The following CPM variants were observed in gnomAD, a reference collection of about 807,000 sequenced individuals.
CPM encodes the protein renal carboxypeptidase.
A neutral mutation model predicts 46.4 loss-of-function variants in CPM; 35 were observed. The ratio of observed to expected loss-of-function variants is 0.75; its 90% CI spans 0.58 to 1.00. The LOEUF (loss-of-function observed/expected upper bound fraction) is 1.00. Ranked by LOEUF, CPM falls within the 50% of genes least tolerant of loss-of-function variation. The pLI is 0.00. For synonymous variants in CPM, 195 were observed against 195.3 expected (o/e 1.00, Z 0.01); for missense variants, 422 against 530.4 (o/e 0.80, Z 2.01).
chr12:68,866,959 G>A lies in CPM; in HGVS notation c.877C>T (p.Leu293Phe). 6.2e-7 allele frequency: 1 copy of A among 1,614,092 alleles called. No homozygotes were observed. The highest frequency in any genetic ancestry group is 8.5e-7 in the Non-Finnish European group (1 of 1,179,942). Reference sequence around the variant, plus strand: ...TTGTTATTATTCCAAAAGGATGGAAGCTTCTCCTCACGAGGATATTTACAG... The same window carrying A: ...TTGTTATTATTCCAAAAGGATGGAAACTTCTCCTCACGAGGATATTTACAG... ...SCCKYPREEKLPSFWNNNKAS... is the reference protein window; with the variant it reads ...SCCKYPREEKFPSFWNNNKAS... Residue 293 changes from leucine (L) to phenylalanine (F), a missense_variant, in exon 7 of 9, where the codon CTT becomes TTT. Coordinates refer to ENST00000551568, the MANE Select transcript of CPM (RefSeq NM_198320.5).
At chr12:68,908,491 CTGAGT>C (rs1365591637) in intron 2 of CPM, among the ~76,000 whole-genome samples, 2 of 151,238 alleles carry the variant, frequency 1.3e-5, no homozygotes, top group Non-Finnish European at 2.9e-5. Flanking sequence ...CATCCACTTT[CTGAGT>C]GTCTCTTCAA....
At chr12:68,889,208 T>C (rs1386110233) in intron 2 of CPM, among the ~76,000 whole-genome samples, 3 of 152,184 alleles carry the variant, frequency 2.0e-5, no homozygotes, top group African/African-American at 7.2e-5. Flanking sequence ...AGTTGATATT[T>C]AGGTACACTC....
chr12:68,939,815 C>T (rs1389000365), intron 1 of CPM, among the ~76,000 whole-genome samples: 1 of 152,094 alleles, frequency 6.6e-6, no homozygotes, highest in Non-Finnish European at 1.5e-5. Context: ...CTCATGATTA[C>T]TATTATCTCT....
chr12:68,938,113 T>C (rs952541855), upstream of CPM, among the ~76,000 whole-genome samples: 2 of 152,222 alleles, frequency 1.3e-5, no homozygotes, highest in Non-Finnish European at 2.9e-5. Flanking sequence ...CCTCAATAGA[T>C]GTCAACAAGA....
chr12:68,871,476 T>C (rs896527454), intron 4 of CPM, among the ~76,000 whole-genome samples: 1 of 152,044 alleles, frequency 6.6e-6, no homozygotes, highest in Non-Finnish European at 1.5e-5. Context: ...TGTAAAATGC[T>C]GAGGTAAGAA....
chr12:68,872,101 A>G (rs1885727269), intron 3 of CPM, 145 bp from the exon 4 acceptor site: 1 of 833,386 alleles, frequency 1.2e-6, no homozygotes, highest in African/African-American at 1.7e-5. Flanking sequence ...TTTCTCAAGC[A>G]TGCTTATGCT....
intron 8 of CPM, among the ~76,000 whole-genome samples, chr12:68,857,050 G>A (rs1034739596): frequency 6.6e-6 from 1 of 151,964 alleles, no homozygotes; most frequent in African/African-American, 2.4e-5. Context: ...CATCCTCCTT[G>A]GATATCAAGA....
intron 1 of CPM, among the ~76,000 whole-genome samples, chr12:68,961,976 G>A (rs910399208): frequency 1.3e-5 from 2 of 152,038 alleles, no homozygotes; most frequent in Non-Finnish European, 2.9e-5. Context: ...CAAGGCGGGC[G>A]GATCACGAGG....
chr12:68,944,937 G>GCCACAGGACCAGTTGAGTCATGA (rs1481542534), intron 1 of CPM, among the ~76,000 whole-genome samples: 3 of 152,092 alleles, frequency 2.0e-5, no homozygotes, highest in Non-Finnish European at 4.4e-5. Flanking sequence ...CTGGGTGGGG[G>GCCACAGGACCAGTTGAGTCATGA]CCACAGGACC....
At chr12:68,921,263 T>A (rs1196511721) in intron 2 of CPM, among the ~76,000 whole-genome samples, 1 of 151,768 alleles carries the variant, frequency 6.6e-6, no homozygotes, top group African/African-American at 2.4e-5. Context: ...TGCCTCAGCC[T>A]CCCAGGTAGC....
chr12:68,896,583 T>C (rs981052217), intron 2 of CPM, among the ~76,000 whole-genome samples: 1 of 152,140 alleles, frequency 6.6e-6, no homozygotes, highest in Non-Finnish European at 1.5e-5. Flanking sequence ...GAAAAGTCCA[T>C]AGTTAGTCTA....
intron 1 of CPM, among the ~76,000 whole-genome samples, chr12:68,941,936 G>T (rs1488680865): frequency 6.6e-6 from 1 of 152,176 alleles, no homozygotes; most frequent in Non-Finnish European, 1.5e-5. Flanking sequence ...TAAGAAAATT[G>T]TTAGTGAAAA....
At chr12:68,948,984 A>G (rs1171354338) in intron 1 of CPM, among the ~76,000 whole-genome samples, 1 of 152,212 alleles carries the variant, frequency 6.6e-6, no homozygotes, top group East Asian at 1.9e-4. Flanking sequence ...CCTCCACTAA[A>G]TGGTAAGCTC....
At chr12:68,857,525 T>G (rs1885030272) in intron 8 of CPM, among the ~76,000 whole-genome samples, 2 of 152,026 alleles carry the variant, frequency 1.3e-5, no homozygotes, top group Non-Finnish European at 2.9e-5. Context: ...TTGGTTAGGC[T>G]TTCTTTTTTT....
intron 2 of CPM, among the ~76,000 whole-genome samples, chr12:68,887,746 T>C (rs757989187): frequency 1.8e-4 from 28 of 152,164 alleles, no homozygotes; most frequent in Non-Finnish European, 3.7e-4. Context: ...GTGTGACATA[T>C]GATAGATGTG....
At chr12:68,928,890 C>G (rs1407995659) in intron 2 of CPM, among the ~76,000 whole-genome samples, 1 of 150,866 alleles carries the variant, frequency 6.6e-6, no homozygotes, top group African/African-American at 2.4e-5. Context: ...CAGGCATGCA[C>G]CATTATGCCT....
chr12:68,864,431 C>T (rs1379831016), intron 7 of CPM, among the ~76,000 whole-genome samples: 6 of 152,130 alleles, frequency 3.9e-5, no homozygotes, highest in African/African-American at 1.2e-4. Flanking sequence ...GATGACAGAG[C>T]GAGACTCCGT....
At chr12:68,949,728 T>C (rs1431291526) in intron 1 of CPM, among the ~76,000 whole-genome samples, 2 of 152,172 alleles carry the variant, frequency 1.3e-5, no homozygotes, top group African/African-American at 4.8e-5. Context: ...ATCATGCTTG[T>C]GGTGCACAAG....
chr12:68,866,664 CCT>C (rs2136226191), intron 7 of CPM, among the ~76,000 whole-genome samples: 1 of 152,190 alleles, frequency 6.6e-6, no homozygotes, highest in Non-Finnish European at 1.5e-5. Flanking sequence ...ATTTTTATAC[CCT>C]CATATTAAAG....
Sources: allele counts gnomAD v4.1 joint callset (sites outside exome capture counted in the v4.1 genomes callset), GRCh38; gene constraint gnomAD v4.1.1; transcripts MANE v1.5; gene names NCBI Gene and HGNC (gene_info 2026-07-23, HGNC 2026-07-21).